Variants in NRXN1 observed in about 807,000 individuals in gnomAD.
The protein encoded by NRXN1 is neurexin-1.
A neutral mutation model predicts 150.9 loss-of-function variants in NRXN1; 39 were observed. The observed-to-expected ratio is 0.26, with a 90% CI of 0.20 to 0.34. NRXN1 has a LOEUF of 0.34. NRXN1 is among the 10% of genes least tolerant of loss of function. NRXN1 has a pLI of 1.00. For missense variants in NRXN1, 1,815 were observed against 1,949.9 expected (o/e 0.93, Z 1.30); for synonymous variants, 924 against 757.0 (o/e 1.22, Z -3.62).
At chr2:50,639,793 T>C (rs994054003) in intron 5 of NRXN1, among the ~76,000 whole-genome samples, 5 of 152,134 alleles carry the variant, frequency 3.3e-5, no homozygotes, top group African/African-American at 1.2e-4. Flanking sequence ...TACCTCACCA[T>C]ATTTGCACTA....
chr2:50,306,877 T>C (rs986655853), intron 17 of NRXN1, among the ~76,000 whole-genome samples: 1 of 152,208 alleles, frequency 6.6e-6, no homozygotes, highest in Non-Finnish European at 1.5e-5. Flanking sequence ...TTATAAATAG[T>C]TCTTCAGTTT....
At chr2:50,112,067 G>C (rs945634209) in intron 18 of NRXN1, among the ~76,000 whole-genome samples, 4 of 151,738 alleles carry the variant, frequency 2.6e-5, no homozygotes, top group African/African-American at 9.7e-5. Flanking sequence ...GATGATCTCA[G>C]CTTTTAGCAA....
At position 50,830,410 on chromosome 2, in the gene NRXN1, C is replaced by T. The variant is rs556455895; in HGVS notation, c.832+91459G>A. Among the ~76,000 whole-genome samples the T allele has an allele frequency of 9.9e-5, 15 of 151,622 alleles. No individual in the cohort carries two copies. The South Asian group carries it at 1.5e-3, about 15-fold the overall frequency. ...GGATTTTATTGTGAATTGTCACACA[C>T]GGTAGTTTTATTAGTACCTATTCAA... is the stretch of plus-strand genomic sequence containing the variant. On this transcript the variant is annotated intron_variant, in intron 5 of 22. Coordinates refer to ENST00000401669, the MANE Select transcript of NRXN1 (RefSeq NM_001330078.2).
chr2:49,944,552 T>C (rs2104389328), intron 21 of NRXN1, among the ~76,000 whole-genome samples: 1 of 152,302 alleles, frequency 6.6e-6, no homozygotes, highest in South Asian at 2.1e-4. Context: ...TACCTATCTC[T>C]GTAATAAAAA....
At chr2:50,590,830 G>A (rs1301742139) in intron 8 of NRXN1, among the ~76,000 whole-genome samples, 20 of 152,100 alleles carry the variant, frequency 1.3e-4, no homozygotes, top group Admixed American at 1.3e-3. Flanking sequence ...AATATTTGTT[G>A]TTTGAGCTGC....
intron 5 of NRXN1, among the ~76,000 whole-genome samples, chr2:50,693,155 G>C (rs547983838): frequency 6.6e-6 from 1 of 152,258 alleles, no homozygotes; most frequent in East Asian, 1.9e-4. Context: ...CGTATCACAA[G>C]GAGAAAGTAG....
intron 17 of NRXN1, among the ~76,000 whole-genome samples, chr2:50,350,398 T>A (rs2078325120): frequency 6.6e-6 from 1 of 152,152 alleles, no homozygotes; most frequent in Non-Finnish European, 1.5e-5. Context: ...AACGTGGTGC[T>A]AAAAAGACCT....
chr2:50,529,106 A>T (rs1474884025), intron 11 of NRXN1, among the ~76,000 whole-genome samples: 1 of 152,216 alleles, frequency 6.6e-6, no homozygotes, highest in Non-Finnish European at 1.5e-5. Flanking sequence ...TCAGAATTGC[A>T]GTGGTCAAAT....
chr2:50,551,835 T>C lies in NRXN1; in HGVS notation c.1759+752A>G, dbSNP rs180760933. On this transcript the variant is annotated intron_variant, in intron 9 of 22. Transcript: ENST00000401669. Reference sequence around the variant, plus strand: ...CCTTCCCTCTCTTTCTCAGGATTCCTACAAATGTCATCTCTGCTTCCTGGA... The same window carrying C: ...CCTTCCCTCTCTTTCTCAGGATTCCCACAAATGTCATCTCTGCTTCCTGGA... Among the ~76,000 whole-genome samples the C allele has an allele frequency of 7.5e-4, 114 of 152,154 alleles. No individual in the cohort carries two copies. The South Asian group carries it at 0.011, about 15-fold the overall frequency.
At chr2:50,768,772 A>G (rs1307281763) in intron 5 of NRXN1, among the ~76,000 whole-genome samples, 2 of 151,898 alleles carry the variant, frequency 1.3e-5, no homozygotes, top group African/African-American at 4.8e-5. Flanking sequence ...TACCCTTAGT[A>G]AAATTATTTT....
At chr2:50,881,620 T>A (rs1679443299) in intron 5 of NRXN1, among the ~76,000 whole-genome samples, 1 of 151,826 alleles carries the variant, frequency 6.6e-6, no homozygotes, top group African/African-American at 2.4e-5. Context: ...TTATGGAAAG[T>A]GAGGTCTAGA....
At chr2:50,373,723 C>A (rs71411506) in intron 17 of NRXN1, among the ~76,000 whole-genome samples, 19,484 of 130,838 alleles carry the variant, frequency 0.15, 1,898 homozygotes, top group East Asian at 0.26. Flanking sequence ...GAAAGAAAGA[C>A]AGACAGACTA....
intron 5 of NRXN1, among the ~76,000 whole-genome samples, chr2:50,805,384 G>A (rs2105725362): frequency 6.6e-6 from 1 of 152,258 alleles, no homozygotes; most frequent in African/African-American, 2.4e-5. Flanking sequence ...GGCAGGTGTG[G>A]TGGCTCAAGC....
chr2:50,779,017 A>AT (rs544782567), intron 5 of NRXN1, among the ~76,000 whole-genome samples: 360 of 151,896 alleles, frequency 2.4e-3, no homozygotes, highest in Non-Finnish European at 4.2e-3. Context: ...ATACATCTAC[A>AT]TTTTTTTTCT....
chr2:49,961,617 C>G (rs1252037402), intron 21 of NRXN1, among the ~76,000 whole-genome samples: 2 of 152,026 alleles, frequency 1.3e-5, no homozygotes, highest in East Asian at 3.8e-4. Flanking sequence ...ATAGATTAGG[C>G]CTTTTGAAAA....
chr2:50,747,110 T>C (rs963569851), intron 5 of NRXN1, among the ~76,000 whole-genome samples: 1 of 152,078 alleles, frequency 6.6e-6, no homozygotes, highest in Non-Finnish European at 1.5e-5. Context: ...GTAAAGAAGA[T>C]AGAGACCGGC....
intron 5 of NRXN1, among the ~76,000 whole-genome samples, chr2:50,912,615 G>A (rs767204847): frequency 4.0e-4 from 61 of 151,526 alleles, no homozygotes; most frequent in Non-Finnish European, 4.9e-4. Flanking sequence ...GAACTACTAG[G>A]TAGAACAATA....
chr2:50,633,896 T>C (rs1216627166), intron 5 of NRXN1, among the ~76,000 whole-genome samples: 2 of 152,076 alleles, frequency 1.3e-5, no homozygotes, highest in African/African-American at 4.8e-5. Flanking sequence ...GTGCAATAAC[T>C]GAGCAGGGAA....
At chr2:50,671,259 G>T (rs1688795570) in intron 5 of NRXN1, among the ~76,000 whole-genome samples, 3 of 151,624 alleles carry the variant, frequency 2.0e-5, no homozygotes, top group Admixed American at 2.0e-4. Context: ...ATGAAGAAAA[G>T]ACTAATAACT....
Sources: gnomAD v4.1 joint callset for allele counts (sites outside exome capture counted in the v4.1 genomes callset) on GRCh38, gnomAD v4.1.1 for gene constraint, MANE v1.5 for transcripts, NCBI Gene and HGNC (gene_info 2026-07-23, HGNC 2026-07-21) for gene names.